The following NPY2R variants were observed in gnomAD, a reference collection of about 807,000 sequenced individuals.
NPY2R encodes the protein neuropeptide Y receptor type 2.
A neutral mutation model predicts 22.3 loss-of-function variants in NPY2R; 17 were observed. That is an observed-to-expected ratio of 0.76 (90% CI 0.52 to 1.14). NPY2R has a LOEUF of 1.14. Among genes scored for constraint, NPY2R ranks in the 50% most tolerant of loss-of-function variants. The probability of loss-of-function intolerance (pLI) is 0.00; values close to 1 mark genes in which losing one functional copy is unlikely to be tolerated. For missense variants in NPY2R, 424 were observed against 467.9 expected (o/e 0.91, Z 0.87); for synonymous variants, 209 against 183.4 (o/e 1.14, Z -1.13).
chr4:155,204,975 G>T (rs1166023296), upstream of NPY2R, among the ~76,000 whole-genome samples: 1 of 151,850 alleles, frequency 6.6e-6, no homozygotes, highest in Non-Finnish European at 1.5e-5. Flanking sequence ...TATGAAAAAT[G>T]GACCTTCTGT....
At chr4:155,174,485 T>TATATATATATATATATATATATA in the NPY2R span, among the ~76,000 whole-genome samples, 139 of 41,556 alleles carry the variant, frequency 3.3e-3, no homozygotes, top group Middle Eastern at 0.022. Context: ...TATATATATA[T>TATATATATATATATATATATATA]TTTTTTTTTT....
At chr4:155,199,244 T>G in the NPY2R span, among the ~76,000 whole-genome samples, 5 of 151,954 alleles carry the variant, frequency 3.3e-5, no homozygotes, top group Non-Finnish European at 7.4e-5. Context: ...TGCTCTTTAA[T>G]GTGTGTATTG....
the NPY2R span, among the ~76,000 whole-genome samples, chr4:155,186,132 A>G: frequency 6.6e-6 from 1 of 152,180 alleles, no homozygotes; most frequent in Non-Finnish European, 1.5e-5. Context: ...TCCAAAGATT[A>G]TTTATTAGTT....
chr4:155,192,648 A>G, the NPY2R span, among the ~76,000 whole-genome samples: 1 of 151,948 alleles, frequency 6.6e-6, no homozygotes, highest in Non-Finnish European at 1.5e-5. Flanking sequence ...CAATTTCTAT[A>G]CTCTATCATT....
At chr4:155,184,894 T>C in the NPY2R span, among the ~76,000 whole-genome samples, 4 of 150,768 alleles carry the variant, frequency 2.7e-5, no homozygotes, top group African/African-American at 7.3e-5. Context: ...GAAAATCAGA[T>C]ACTATGGAAA....
chr4:155,173,731 G>T, the NPY2R span: 1 of 151,334 alleles, frequency 6.6e-6, no homozygotes, highest in African/African-American at 2.4e-5. Context: ...ACGTATTGAG[G>T]AACCATATTC....
At chr4:155,204,797 A>C (rs1223770640), upstream of NPY2R, among the ~76,000 whole-genome samples, 1 of 143,826 alleles carries the variant, frequency 7.0e-6, no homozygotes, top group Non-Finnish European at 1.5e-5. Flanking sequence ...TGGATGATGA[A>C]ATTTTAGACT....
the NPY2R span, among the ~76,000 whole-genome samples, chr4:155,177,036 G>A: frequency 6.6e-6 from 1 of 152,162 alleles, no homozygotes; most frequent in East Asian, 1.9e-4. Flanking sequence ...GTTAACACAT[G>A]CATTTTGGAG....
At chr4:155,200,204 C>G in the NPY2R span, among the ~76,000 whole-genome samples, 1 of 152,086 alleles carries the variant, frequency 6.6e-6, no homozygotes. Context: ...TGAACAGACA[C>G]TTCTCAAAAG....
the NPY2R span, among the ~76,000 whole-genome samples, chr4:155,191,126 C>G: frequency 9.2e-5 from 14 of 151,704 alleles, no homozygotes; most frequent in Admixed American, 2.6e-4. Context: ...AACCCCTAAA[C>G]TAAGACAGCA....
chr4:155,207,825 G>C, upstream of NPY2R: 1 of 152,360 alleles, frequency 6.6e-6, no homozygotes, highest in Non-Finnish European at 1.5e-5. Context: ...TCTGGAGAGA[G>C]AGAGAGAGAG....
the NPY2R span, among the ~76,000 whole-genome samples, chr4:155,174,484 A>ATATATAT: frequency 4.7e-5 from 5 of 106,120 alleles, no homozygotes; most frequent in East Asian, 2.8e-4. Context: ...ATATATATAT[A>ATATATAT]TTTTTTTTTT....
chr4:155,182,470 A>G, the NPY2R span, among the ~76,000 whole-genome samples: 1 of 152,048 alleles, frequency 6.6e-6, no homozygotes, highest in Admixed American at 6.6e-5. Context: ...CCAGAGAAAG[A>G]GAAGTTTTGG....
Position 155,215,209 on chromosome 4 carries a change from C to A in NPY2R, c.*124C>A. 1.1e-6 allele frequency: 1 copy of A among 939,086 alleles called. No individual in the cohort carries two copies. The highest frequency in any genetic ancestry group is 1.7e-6 in the Non-Finnish European group (1 of 587,704). The allele number at this position is 939,086 out of a possible 1,614,324, so 58.2% of individuals were successfully genotyped here. On this transcript the variant is annotated 3_prime_UTR_variant, in exon 2 of 2. Coordinates refer to ENST00000329476, the MANE Select transcript of NPY2R (RefSeq NM_000910.4). ...AAGAAGTGGATCTAAATGGAAGCAT[C>A]TGCTGTTTAATTCCTGGAAAACTGG...
the NPY2R span, among the ~76,000 whole-genome samples, chr4:155,198,493 A>G: frequency 6.9e-6 from 1 of 145,550 alleles, no homozygotes; most frequent in African/African-American, 2.5e-5. Flanking sequence ...ATAAAGTACT[A>G]CATATTTTTA....
upstream of NPY2R, among the ~76,000 whole-genome samples, chr4:155,204,418 G>T (rs376783475): frequency 2.8e-4 from 42 of 152,164 alleles, 1 homozygote; most frequent in East Asian, 8.1e-3. Flanking sequence ...GAAGTTTCTT[G>T]GTTTTCCCAT....
rs866947062 is a variant in NPY2R at position 155,215,031 on chromosome 4, G to T, written c.1092G>T (p.Glu364Asp). The T allele has an allele frequency of 1.2e-6, 2 of 1,613,940 alleles. No homozygotes were observed. Among genetic ancestry groups the T allele is most frequent in the East Asian group, 2.2e-5 (1 of 44,884 alleles). ...CATTCAAGGCTAAAAAGAACCTGGA[G>T]GTCAGAAAGAACAGTGGCCCCAATG... ...SVTFKAKKNL[E>D]VRKNSGPNDS... The change falls in exon 2 of 2, where the codon GAG becomes GAT. Residue 364 changes from glutamate to aspartate, a missense_variant. Physicochemically the swap from Glu to Asp is conservative, Grantham distance 45. Transcript: ENST00000329476.
At chr4:155,174,797 A>G in the NPY2R span, among the ~76,000 whole-genome samples, 6 of 151,872 alleles carry the variant, frequency 4.0e-5, no homozygotes, top group African/African-American at 1.5e-4. Context: ...GTGAATGTAA[A>G]TTTTCTGATA....
chr4:155,201,078 G>A, the NPY2R span, among the ~76,000 whole-genome samples: 3 of 152,058 alleles, frequency 2.0e-5, no homozygotes, highest in Admixed American at 6.5e-5. Flanking sequence ...ATACTGCAAG[G>A]CAAAGGGATG....
Sources: gnomAD v4.1 joint callset for allele counts (sites outside exome capture counted in the v4.1 genomes callset) on GRCh38, gnomAD v4.1.1 for gene constraint, MANE v1.5 for transcripts, NCBI Gene and HGNC (gene_info 2026-07-23, HGNC 2026-07-21) for gene names.